Variants in CIMIP5 observed in about 807,000 individuals in gnomAD.
CIMIP5 encodes uncharacterized protein C2orf50.
chr2:11,151,925 C>T, the CIMIP5 span, among the ~76,000 whole-genome samples: 37,038 of 152,252 alleles, frequency 0.24, 4,868 homozygotes, highest in East Asian at 0.48. Flanking sequence ...TGAGCCACCG[C>T]GCTCCGACTG....
At chr2:11,148,238 C>T in the CIMIP5 span, among the ~76,000 whole-genome samples, 14 of 151,984 alleles carry the variant, frequency 9.2e-5, no homozygotes, top group Non-Finnish European at 1.9e-4. Context: ...CTGCCTCAGC[C>T]TCCTGAGTAG....
the CIMIP5 span, among the ~76,000 whole-genome samples, chr2:11,142,121 CCGGGTGTG>C: frequency 1.3e-5 from 2 of 151,978 alleles, no homozygotes; most frequent in African/African-American, 2.4e-5. Flanking sequence ...CAAAAATTAG[CCGGGTGTG>C]CTGGTGCATG....
chr2:11,133,456 G>T, the CIMIP5 span: 1 of 1,610,102 alleles, frequency 6.2e-7, no homozygotes, highest in Non-Finnish European at 8.5e-7. Flanking sequence ...GCCAGCAGGG[G>T]TCTTGCTGGT....
the CIMIP5 span, chr2:11,144,129 C>A: frequency 1.9e-6 from 3 of 1,549,472 alleles, no homozygotes; most frequent in South Asian, 3.8e-5. Flanking sequence ...GAGGGCTGGG[C>A]TGGCCTTCCC....
chr2:11,150,662 G>A, the CIMIP5 span, among the ~76,000 whole-genome samples: 2 of 151,772 alleles, frequency 1.3e-5, no homozygotes, highest in African/African-American at 4.8e-5. Context: ...AATGAAGGTG[G>A]GGGAATGGCC....
chr2:11,140,472 GA>G, the CIMIP5 span: 1 of 1,503,038 alleles, frequency 6.7e-7, no homozygotes. Flanking sequence ...AAATGTCCTG[GA>G]AGGAACTCAC....
chr2:11,146,023 T>A, the CIMIP5 span: 1 of 152,126 alleles, frequency 6.6e-6, no homozygotes, highest in Non-Finnish European at 1.5e-5. Flanking sequence ...ATCCCGAACA[T>A]ACATTAATGC....
chr2:11,146,867 C>T, the CIMIP5 span: 1 of 152,256 alleles, frequency 6.6e-6, no homozygotes, highest in Non-Finnish European at 1.5e-5. Flanking sequence ...GCTGGAGGCT[C>T]CTTAAAGACC....
chr2:11,150,498 AATTTTTGT>A, the CIMIP5 span, among the ~76,000 whole-genome samples: 2 of 151,186 alleles, frequency 1.3e-5, no homozygotes, highest in African/African-American at 4.9e-5. Context: ...ATGCCCGGCT[AATTTTTGT>A]ATTTTTGTAG....
At chr2:11,151,457 G>A in the CIMIP5 span, among the ~76,000 whole-genome samples, 1 of 152,194 alleles carries the variant, frequency 6.6e-6, no homozygotes, top group African/African-American at 2.4e-5. Context: ...CCCACGTGAA[G>A]GTGTAACCAC....
At chr2:11,140,775 A>C in the CIMIP5 span, among the ~76,000 whole-genome samples, 1 of 152,224 alleles carries the variant, frequency 6.6e-6, no homozygotes, top group African/African-American at 2.4e-5. Flanking sequence ...AATTTTATTA[A>C]GATGAACCAA....
At chr2:11,136,129 G>T in the CIMIP5 span, among the ~76,000 whole-genome samples, 1 of 152,072 alleles carries the variant, frequency 6.6e-6, no homozygotes, top group Non-Finnish European at 1.5e-5. Flanking sequence ...AAGTTTTTGA[G>T]TTTGATGTAA....
the CIMIP5 span, among the ~76,000 whole-genome samples, chr2:11,151,793 G>C: frequency 6.6e-6 from 1 of 152,330 alleles, no homozygotes; most frequent in South Asian, 2.1e-4. Context: ...AAATCACCAT[G>C]CCTGGCTAAT....
chr2:11,144,154 TGG>T, the CIMIP5 span: 1 of 1,505,160 alleles, frequency 6.6e-7, no homozygotes, highest in Non-Finnish European at 8.9e-7. Flanking sequence ...TGGGTGTGGG[TGG>T]GGACAAGAGA....
chr2:11,150,386 G>A, the CIMIP5 span, among the ~76,000 whole-genome samples: 148 of 150,634 alleles, frequency 9.8e-4, no homozygotes, highest in African/African-American at 3.5e-3. Context: ...AGGCTGGAGT[G>A]CAGTGGTGCC....
the CIMIP5 span, among the ~76,000 whole-genome samples, chr2:11,150,186 G>A: frequency 3.9e-5 from 6 of 151,950 alleles, no homozygotes; most frequent in African/African-American, 1.2e-4. Context: ...TGATCCACTC[G>A]CCTCAACCTC....
the CIMIP5 span, chr2:11,144,757 A>G: frequency 1.3e-5 from 2 of 151,632 alleles, no homozygotes; most frequent in Admixed American, 6.6e-5. Flanking sequence ...TCTTCAAATC[A>G]GTCTCTATCG....
At chr2:11,146,930 A>T in the CIMIP5 span, 8 of 152,402 alleles carry the variant, frequency 5.2e-5, no homozygotes, top group Admixed American at 1.3e-4. Flanking sequence ...CACTCAAAAT[A>T]AAGAAGATTT....
chr2:11,139,868 C>T, the CIMIP5 span, among the ~76,000 whole-genome samples: 1 of 151,392 alleles, frequency 6.6e-6, no homozygotes, highest in Admixed American at 6.6e-5. Context: ...GGGTGGACCA[C>T]CTGAGGTCAG....
Sources: gnomAD v4.1 joint callset for allele counts (sites outside exome capture counted in the v4.1 genomes callset) on GRCh38, gnomAD v4.1.1 for gene constraint, MANE v1.5 for transcripts, NCBI Gene and HGNC (gene_info 2026-07-23, HGNC 2026-07-21) for gene names.